Variants in QRFPR observed in about 807,000 individuals in gnomAD.
QRFPR encodes the protein pyroglutamylated RF-amide peptide receptor.
A neutral mutation model predicts 31.3 loss-of-function variants in QRFPR; 37 were observed. The ratio of observed to expected loss-of-function variants is 1.18; its 90% CI spans 0.91 to 1.56. QRFPR has a LOEUF of 1.56. Among genes scored for constraint, QRFPR ranks in the 40% most tolerant of loss-of-function variants. The pLI, the probability that QRFPR is intolerant of heterozygous loss-of-function variation, is 0.00. For missense variants in QRFPR, 542 were observed against 532.5 expected (o/e 1.02, Z -0.18); for synonymous variants, 197 against 192.0 (o/e 1.03, Z -0.22).
intron 1 of QRFPR, among the ~76,000 whole-genome samples, chr4:121,343,668 T>A (rs1725589186): frequency 6.6e-6 from 1 of 152,218 alleles, no homozygotes; most frequent in African/African-American, 2.4e-5. Flanking sequence ...TTTTTTCTCT[T>A]TTCTTGCAAA....
Position 121,336,824 on chromosome 4 carries a change from GCCACATGGGTGAT to G in QRFPR, c.531_543del (p.Ser178ThrfsTer21). ...GAGTCTACCTCAAGTTGTTGCACGT[GCCACATGGGTGAT>G]CCTACGATGACTGCCACCAGCCAGA... On this transcript the variant is annotated frameshift_variant, in exon 3 of 6. Transcript: ENST00000394427. LOFTEE classifies it high-confidence loss of function. 1 of 1,613,736 alleles carries G rather than the reference GCCACATGGGTGAT, an allele frequency of 6.2e-7. No homozygotes were observed. The highest frequency in any genetic ancestry group is 2.2e-5 in the East Asian group (1 of 44,866).
At position 121,370,449 on chromosome 4, in the gene QRFPR, T is replaced by A. The variant is rs1303846603; in HGVS notation, c.340+9859A>T. ...AGATGGATGTTAATGAGGAACATGG[T>A]CCAGCTGCTGCAAATTAGCAAAACT... is the stretch of plus-strand genomic sequence containing the variant. On this transcript the variant is annotated intron_variant, in intron 1 of 5. Coordinates refer to ENST00000394427, the MANE Select transcript of QRFPR (RefSeq NM_198179.3). 7 of 548,332 alleles carry A rather than the reference T, an allele frequency of 1.3e-5. No homozygotes were observed. In the Admixed American group the frequency reaches 1.8e-4, roughly 14 times the overall value. 34.0% of individuals were successfully genotyped at this position (548,332 alleles called of 1,614,324 possible).
In QRFPR at chr4:121,380,302, T is replaced by C; in HGVS notation, c.340+6A>G. 6.3e-7 allele frequency: 1 copy of C among 1,599,410 alleles called. No homozygotes were observed. Among genetic ancestry groups the C allele is most frequent in the African/African-American group, 1.4e-5 (1 of 73,792 alleles). The stretch of plus-strand genomic sequence containing the variant: ...AAGGAGCGAAGGAGCGGGGCGCGAC[T>C]CTTACCCCCCAGCCAGTTGTCGGAA... On this transcript the variant is annotated splice_donor_region_variant and intron_variant, in intron 1 of 5. Coordinates refer to ENST00000394427, the MANE Select transcript of QRFPR (RefSeq NM_198179.3).
At chr4:121,380,016 C>T (rs111259168) in intron 1 of QRFPR, among the ~76,000 whole-genome samples, 83 of 151,944 alleles carry the variant, frequency 5.5e-4, no homozygotes, top group Admixed American at 2.4e-3. Flanking sequence ...TTTTCCCCAA[C>T]CTATGTCTCT....
intron 1 of QRFPR, among the ~76,000 whole-genome samples, chr4:121,363,982 G>C (rs766003732): frequency 3.3e-5 from 5 of 149,964 alleles, no homozygotes; most frequent in Admixed American, 6.6e-5. Flanking sequence ...AAAGCAACCA[G>C]ACAGCGAGAA....
chr4:121,373,780 C>G (rs968593655), intron 1 of QRFPR, among the ~76,000 whole-genome samples: 1 of 152,196 alleles, frequency 6.6e-6, no homozygotes, highest in East Asian at 1.9e-4. Context: ...CAACAACCTC[C>G]TTTAATTCAT....
intron 1 of QRFPR, chr4:121,369,633 A>G: frequency 6.2e-7 from 1 of 1,605,956 alleles, no homozygotes. Flanking sequence ...TGGGTGGCAA[A>G]ACTTCCAGAA....
At chr4:121,370,057 A>G (rs1301683816) in intron 1 of QRFPR, 2 of 772,302 alleles carry the variant, frequency 2.6e-6, no homozygotes, top group Non-Finnish European at 4.8e-6. Context: ...TTTAGCCTTC[A>G]CCACTGGGAG....
Position 121,380,714 on chromosome 4 carries a change from G to T in QRFPR, c.-67C>A. On this transcript the variant is annotated 5_prime_UTR_variant, in exon 1 of 6. In the 5' UTR this introduces an upstream ATG that the reference lacks. Transcript: ENST00000394427. ...GCTGGCCATCCGCATCTGCGGGGCA[G>T]CGAGGGCTTCGGGGGACCAGCCGGA... 3 of 1,413,296 alleles carry T rather than the reference G, an allele frequency of 2.1e-6. No homozygotes were observed. Among genetic ancestry groups the T allele is most frequent in the African/African-American group, 2.9e-5 (2 of 69,378 alleles). 87.5% of individuals were successfully genotyped at this position (1,413,296 alleles called of 1,614,324 possible).
chr4:121,370,507 T>C (rs1726218455), intron 1 of QRFPR, among the ~76,000 whole-genome samples: 1 of 152,228 alleles, frequency 6.6e-6, no homozygotes, highest in Non-Finnish European at 1.5e-5. Flanking sequence ...GGTTCTGCTA[T>C]CCTGCTGCCG....
intron 1 of QRFPR, among the ~76,000 whole-genome samples, chr4:121,365,541 ATTATATATAATATAT>A (rs1726088708): frequency 1.4e-4 from 1 of 7,074 alleles, no homozygotes; most frequent in African/African-American, 8.8e-4. Flanking sequence ...TATAATATAT[ATTATATATAATATAT>A]AATATATATT....
intron 1 of QRFPR, among the ~76,000 whole-genome samples, chr4:121,352,101 G>T (rs971873568): frequency 1.3e-5 from 2 of 152,002 alleles, no homozygotes; most frequent in African/African-American, 4.8e-5. Flanking sequence ...CTGGCGGTTG[G>T]AATAAATATT....
chr4:121,376,576 G>T (rs1048638518), intron 1 of QRFPR, among the ~76,000 whole-genome samples: 2 of 151,360 alleles, frequency 1.3e-5, no homozygotes, highest in Non-Finnish European at 2.9e-5. Context: ...TAAAAAACAG[G>T]CCTAACTAGT....
intron 1 of QRFPR, 112 bp downstream of exon 1, chr4:121,380,196 A>AGG (rs1726451237): frequency 1.7e-5 from 2 of 120,776 alleles, no homozygotes; most frequent in African/African-American, 8.6e-5. Flanking sequence ...GGAGAGAGAG[A>AGG]GAGAGAGAGA....
At position 121,336,855 on chromosome 4, in the gene QRFPR, C is replaced by A; in HGVS notation, c.513G>T (p.Leu171=). The A allele has an allele frequency of 6.2e-7, 1 of 1,614,084 alleles. No homozygotes were observed. Among genetic ancestry groups the A allele is most frequent in the Non-Finnish European group, 8.5e-7 (1 of 1,179,950 alleles). ...RAFTMLGVVW[L]VAVIVGSPMW... ...TGGGTGATCCTACGATGACTGCCAC[C>A]AGCCAGACCACACCTGTAAAAGTGT... Residue 171 remains leucine, a synonymous_variant, in exon 3 of 6, where the codon CTG becomes CTT. Transcript: ENST00000394427.
At chr4:121,364,979 G>A (rs1052989598) in intron 1 of QRFPR, among the ~76,000 whole-genome samples, 1 of 149,796 alleles carries the variant, frequency 6.7e-6, no homozygotes, top group Non-Finnish European at 1.5e-5. Context: ...TCTTTATGCT[G>A]AGCTCCATAC....
intron 2 of QRFPR, 90 bp downstream of exon 2, chr4:121,340,362 G>A: frequency 7.2e-7 from 1 of 1,380,124 alleles, no homozygotes; most frequent in Non-Finnish European, 1.0e-6. Flanking sequence ...AGTTAGATAA[G>A]AAGCTACTCT....
At chr4:121,356,193 C>T (rs1725866113) in intron 1 of QRFPR, among the ~76,000 whole-genome samples, 1 of 152,136 alleles carries the variant, frequency 6.6e-6, no homozygotes, top group African/African-American at 2.4e-5. Flanking sequence ...TGCAGTCTAT[C>T]TATCTCTGTC....
At position 121,329,417 on chromosome 4, in the gene QRFPR, A is replaced by C; in HGVS notation, c.1193T>G (p.Val398Gly). ...GEAFSDGNIE[V>G]KLCEQTEEKK... ...CTCCTCTGTCTGTTCACACAATTTGACTTCAATGTTGCCATCACTGAATGC... is the reference window on the plus strand; with the variant it reads ...CTCCTCTGTCTGTTCACACAATTTGCCTTCAATGTTGCCATCACTGAATGC... Residue 398 changes from valine (V) to glycine (G), a missense_variant, in exon 6 of 6, where the codon GTC (valine) becomes GGC (glycine). Val to Gly is a moderately radical substitution (Grantham distance 109, BLOSUM62 -3). Transcript: ENST00000394427. The C allele has an allele frequency of 6.2e-7, 1 of 1,614,050 alleles. No homozygotes were observed. Among genetic ancestry groups the C allele is most frequent in the Non-Finnish European group, 8.5e-7 (1 of 1,179,966 alleles).
Sources: allele counts gnomAD v4.1 joint callset (sites outside exome capture counted in the v4.1 genomes callset), GRCh38; gene constraint gnomAD v4.1.1; transcripts MANE v1.5; gene names NCBI Gene and HGNC (gene_info 2026-07-23, HGNC 2026-07-21).